Variants in OGA observed in about 807,000 individuals in gnomAD.
OGA encodes O-GlcNAcase.
OGA carries 21 observed loss-of-function variants against 102.0 expected under a neutral mutation model. The ratio of observed to expected loss-of-function variants is 0.21; its 90% CI spans 0.15 to 0.30. The LOEUF (loss-of-function observed/expected upper bound fraction) is 0.30, where lower values mean the gene tolerates loss of function less well. Among genes scored for constraint, OGA ranks in the 10% least tolerant of loss-of-function variants. OGA has a pLI of 1.00. For synonymous variants in OGA, 408 were observed against 378.2 expected, an observed-to-expected ratio of 1.08 and a Z score of -0.91; for missense variants, 765 against 1,107.8, an observed-to-expected ratio of 0.69 and a Z score of 4.39.
At chr10:101,810,954 G>A (rs958740605) in intron 3 of OGA, among the ~76,000 whole-genome samples, 1 of 150,904 alleles carries the variant, frequency 6.6e-6, no homozygotes, top group African/African-American at 2.4e-5. Flanking sequence ...GCCTCTTACA[G>A]TGTTGGGATT....
intron 14 of OGA, among the ~76,000 whole-genome samples, chr10:101,788,130 T>TAA (rs529209574): frequency 1.7e-4 from 18 of 106,692 alleles, no homozygotes; most frequent in Admixed American, 5.0e-4. Flanking sequence ...GACTCTGTCT[T>TAA]AAAAAAAAAA....
At chr10:101,803,448 T>TAAAAAAA (rs575226082) in intron 7 of OGA, among the ~76,000 whole-genome samples, 3 of 74,306 alleles carry the variant, frequency 4.0e-5, no homozygotes, top group African/African-American at 5.2e-5. Flanking sequence ...TGAATCATAC[T>TAAAAAAA]AAAAAAAAAA....
chr10:101,799,406 A>G lies in OGA; in HGVS notation c.1245T>C (p.Thr415=). Residue 415 remains threonine, a synonymous_variant, in exon 9 of 16, where the codon ACT becomes ACC. Coordinates refer to ENST00000361464, the MANE Select transcript of OGA (RefSeq NM_012215.5). ...TTAAAGAGGGTGCTGCAACTAAAGG[A>G]GTCCCATCAACTACACTTGCTTTAG... is the stretch of plus-strand genomic sequence containing the variant. ...SGAKASVVDG[T]PLVAAPSLNA... 1 of 1,614,076 alleles carries G rather than the reference A, an allele frequency of 6.2e-7. No individual in the cohort carries two copies. The highest frequency in any genetic ancestry group is 1.1e-5 in the South Asian group (1 of 91,088).
rs1286262327 is a variant in OGA at position 101,786,562 on chromosome 10, C to T, written c.2640G>A (p.Val880=). 1.2e-6 allele frequency: 2 copies of T among 1,607,598 alleles called. No individual in the cohort carries two copies. The highest frequency in any genetic ancestry group is 4.5e-5 in the East Asian group (2 of 44,754). ...CCAGAATTCTTTTATCATCTGGTCT[C>T]ACTTCACAGAAAGCTCCCCGGGAGC... is the stretch of plus-strand genomic sequence containing the variant. ...ANGSRGAFCE[V]RPDDKRILEF... The change falls in exon 16 of 16, where the codon GTG becomes GTA. Residue 880 remains valine, a synonymous_variant. Coordinates refer to ENST00000361464, the MANE Select transcript of OGA (RefSeq NM_012215.5).
rs775507231 is a variant in OGA, at chr10:101,818,383, C to T, written c.-361G>A. 35 of 1,040,078 alleles carry T rather than the reference C, an allele frequency of 3.4e-5. No homozygotes were observed. The highest frequency in any genetic ancestry group is 4.0e-5 in the Non-Finnish European group (35 of 864,498). 64.4% of individuals were successfully genotyped at this position (1,040,078 alleles called of 1,614,324 possible). Reference sequence around the variant, plus strand: ...ATAATCTTAGGTCTTCCGCTGTTTCCCCTCCAAGCCCCGAGCTCTCCCTCT... The same window carrying T: ...ATAATCTTAGGTCTTCCGCTGTTTCTCCTCCAAGCCCCGAGCTCTCCCTCT... On this transcript the variant is annotated 5_prime_UTR_variant, in exon 1 of 16. Coordinates refer to ENST00000361464, the MANE Select transcript of OGA (RefSeq NM_012215.5).
In OGA at chr10:101,791,431, C is replaced by A; in HGVS notation, c.2184G>T (p.Val728=). The A allele has an allele frequency of 1.2e-6, 2 of 1,613,596 alleles. No homozygotes were observed. Among genetic ancestry groups the A allele is most frequent in the African/African-American group, 1.3e-5 (1 of 75,010 alleles). ...RPYFPKDEAS[V]YKICREMYDD... ...CATACATTTCTCTGCAAATCTTGTA[C>A]ACGGATGCCTGAAAATATAATCTAG... The change falls in exon 13 of 16, where the codon GTG becomes GTT. Residue 728 remains valine (V), a synonymous_variant. Coordinates refer to ENST00000361464, the MANE Select transcript of OGA (RefSeq NM_012215.5).
intron 1 of OGA, among the ~76,000 whole-genome samples, chr10:101,816,369 T>G (rs2065625153): frequency 6.6e-6 from 1 of 152,210 alleles, no homozygotes. Context: ...AACGAGAGAA[T>G]GGCAGACAAC....
At chr10:101,806,216 C>A in intron 5 of OGA, 73 bp from the exon 6 acceptor site, 2 of 970,114 alleles carry the variant, frequency 2.1e-6, no homozygotes, top group East Asian at 2.7e-5. Flanking sequence ...TGTTTGTTTT[C>A]TTTGAGACGG....
chr10:101,802,917 T>A (rs1377216817), intron 7 of OGA, among the ~76,000 whole-genome samples: 1 of 142,474 alleles, frequency 7.0e-6, no homozygotes, highest in Non-Finnish European at 1.5e-5. Flanking sequence ...GGCAGGTGGA[T>A]CACCTAAGGT....
At chr10:101,815,649 T>C (rs1364345012) in intron 1 of OGA, among the ~76,000 whole-genome samples, 2 of 143,228 alleles carry the variant, frequency 1.4e-5, no homozygotes, top group South Asian at 2.1e-4. Context: ...CACTTAGCAT[T>C]ATCATTTTTT....
intron 3 of OGA, 31 bp downstream of exon 3, chr10:101,812,999 T>G: frequency 6.8e-7 from 1 of 1,471,172 alleles, no homozygotes; most frequent in South Asian, 1.2e-5. Flanking sequence ...TTCACAGATT[T>G]TGAATTTATG....
chr10:101,801,054 A>T (rs1031708468), intron 7 of OGA, among the ~76,000 whole-genome samples: 1 of 151,062 alleles, frequency 6.6e-6, no homozygotes, highest in African/African-American at 2.4e-5. Context: ...TACAAGCGTG[A>T]GCCACTACAA....
Position 101,789,962 on chromosome 10 carries a change from G to A in OGA, c.2454+934C>T, listed in dbSNP as rs971591778. ...CTATTGCATTCCTGGGTGACAAGGT[G>A]AGACACTGTCTCAAAACAACAACAA... On this transcript the variant is annotated intron_variant, in intron 14 of 15. Transcript: ENST00000361464. 2.6e-5 allele frequency among the ~76,000 whole-genome samples: 4 copies of A among 152,176 alleles called. No homozygotes were observed. In the East Asian group the frequency reaches 5.8e-4, roughly 22 times the overall value.
chr10:101,808,104 A>G (rs2065500363), intron 4 of OGA, among the ~76,000 whole-genome samples: 2 of 152,208 alleles, frequency 1.3e-5, no homozygotes, highest in African/African-American at 4.8e-5. Context: ...AATGCACTAC[A>G]GGCTGAGTAT....
Position 101,817,880 on chromosome 10 carries a change from G to T in OGA, c.143C>A (p.Ala48Glu). Residue 48 changes from alanine (A) to glutamate (E), a missense_variant, in exon 1 of 16, where the codon GCG becomes GAG. Physicochemically the swap from Ala to Glu is moderately radical, Grantham distance 107. This residue lies in a region of OGA where 117 missense variants were observed against 85.7 expected (regional missense o/e 1.36). Coordinates refer to ENST00000361464, the MANE Select transcript of OGA (RefSeq NM_012215.5). ...GEDNPAGAGG[A>E]AVAGAAGGAR... ...CCCTCCTGCAGCCCCGGCCACCGCCGCTCCCCCAGCCCCGGCGGGGTTGTC... is the reference window on the plus strand; with the variant it reads ...CCCTCCTGCAGCCCCGGCCACCGCCTCTCCCCCAGCCCCGGCGGGGTTGTC... The T allele has an allele frequency of 6.4e-7, 1 of 1,553,656 alleles. No homozygotes were observed. The highest frequency in any genetic ancestry group is 1.9e-5 in the Admixed American group (1 of 52,770).
At position 101,786,399 on chromosome 10, in the gene OGA, TTC is replaced by T; in HGVS notation, c.*50_*51del. The T allele has an allele frequency of 6.6e-7, 1 of 1,507,498 alleles. No individual in the cohort carries two copies. Among genetic ancestry groups the T allele is most frequent in the Non-Finnish European group, 8.9e-7 (1 of 1,129,380 alleles). 93.4% of individuals were successfully genotyped at this position (1,507,498 alleles called of 1,614,324 possible). A position where few individuals can be genotyped will look rare whatever the true frequency, so the allele number is the denominator to read the frequency against. On this transcript the variant is annotated 3_prime_UTR_variant, in exon 16 of 16. Coordinates refer to ENST00000361464, the MANE Select transcript of OGA (RefSeq NM_012215.5). Reference sequence around the variant, plus strand: ...AACTGTATGAAGACCTCAACTACCATTCACAAGGTGCAGTTAAGAGACTTTTG... The same window carrying T: ...AACTGTATGAAGACCTCAACTACCATACAAGGTGCAGTTAAGAGACTTTTG...
At chr10:101,809,069 T>C (rs1304718153) in intron 4 of OGA, among the ~76,000 whole-genome samples, 1 of 152,228 alleles carries the variant, frequency 6.6e-6, no homozygotes, top group Non-Finnish European at 1.5e-5. Context: ...TCACCTAGTC[T>C]GTTTTTCTTC....
At chr10:101,813,828 A>T (rs28403391) in intron 1 of OGA, among the ~76,000 whole-genome samples, 1 of 151,946 alleles carries the variant, frequency 6.6e-6, no homozygotes, top group East Asian at 1.9e-4. Context: ...AATTTTTTTT[A>T]TTTTTTCTAC....
Position 101,799,140 on chromosome 10 carries a change from T to C in OGA, c.1511A>G (p.Glu504Gly). Residue 504 changes from glutamate (E) to glycine (G), a missense_variant, in exon 9 of 16, where the codon GAG becomes GGG. By Grantham distance (98) the Glu-to-Gly change is moderately conservative. Coordinates refer to ENST00000361464, the MANE Select transcript of OGA (RefSeq NM_012215.5). The part of the protein sequence containing the change: ...EELKPMDTDK[E>G]SIAESKSPEM... ...TGGGGATTTTGATTCAGCTATGCTC[T>C]CTTTATCAGTGTCCATTGGTTTCAA... 1 of 1,614,270 alleles carries C rather than the reference T, an allele frequency of 6.2e-7. No individual in the cohort carries two copies. Among genetic ancestry groups the C allele is most frequent in the Non-Finnish European group, 8.5e-7 (1 of 1,180,042 alleles).
Sources: gnomAD v4.1 joint callset for allele counts (sites outside exome capture counted in the v4.1 genomes callset) on GRCh38, gnomAD v4.1.1 for gene constraint, gnomAD v4.1.1 regional missense constraint, MANE v1.5 for transcripts, NCBI Gene and HGNC (gene_info 2026-07-23, HGNC 2026-07-21) for gene names.